DNAH14: variants seen among roughly 807,000 people sequenced by gnomAD.
The protein encoded by DNAH14 is axonemal beta dynein heavy chain 14.
A neutral mutation model predicts 520.9 loss-of-function variants in DNAH14; 478 were observed. The observed-to-expected ratio is 0.92, with a 90% CI of 0.85 to 0.99. The LOEUF is 0.99. Ranked by LOEUF, DNAH14 falls within the 50% of genes least tolerant of loss-of-function variation. The probability of loss-of-function intolerance (pLI) is 0.00; values close to 1 mark genes in which losing one functional copy is unlikely to be tolerated. For synonymous variants in DNAH14, 1,581 were observed against 1,757.2 expected, an observed-to-expected ratio of 0.90 and a Z score of 2.51; for missense variants, 4,831 against 5,234.5, an observed-to-expected ratio of 0.92 and a Z score of 2.38.
At chr1:225,097,338 A>G (rs1390000906) in intron 22 of DNAH14, 99 bp downstream of exon 22, 3 of 1,181,810 alleles carry the variant, frequency 2.5e-6, no homozygotes, top group Admixed American at 2.7e-5. Flanking sequence ...TGAACAAACT[A>G]TCTTATCCTA....
intron 46 of DNAH14, among the ~76,000 whole-genome samples, chr1:225,260,156 G>A (rs1206268815): frequency 2.6e-5 from 4 of 151,966 alleles, no homozygotes; most frequent in African/African-American, 7.3e-5. Flanking sequence ...TTTGAGACCA[G>A]CCTGACCAAC....
chr1:225,385,892 A>G (rs2095836079), intron 81 of DNAH14, among the ~76,000 whole-genome samples: 1 of 152,212 alleles, frequency 6.6e-6, no homozygotes, highest in Admixed American at 6.5e-5. Flanking sequence ...TAAAGTTCAT[A>G]TGGAACCAAA....
chr1:225,397,832 G>A (rs111930447), intron 84 of DNAH14: 4,602 of 152,202 alleles, frequency 0.03, 102 homozygotes, highest in Middle Eastern at 0.051. Context: ...GATCACTTGA[G>A]GTCAGGAGTT....
At chr1:224,984,945 A>G (rs1355428932) in intron 8 of DNAH14, among the ~76,000 whole-genome samples, 1 of 152,154 alleles carries the variant, frequency 6.6e-6, no homozygotes, top group Non-Finnish European at 1.5e-5. Flanking sequence ...GAATGCCCAC[A>G]ATCAAAAAAT....
In DNAH14 at chr1:225,216,093, G is replaced by A. The variant is rs139270814; in HGVS notation, c.6439+8873G>A. On this transcript the variant is annotated intron_variant, in intron 41 of 85. Coordinates refer to ENST00000682510, the MANE Select transcript of DNAH14 (RefSeq NM_001367479.1). Reference sequence around the variant, plus strand: ...GGAGCTCTTGTAAGGCAGGCCTGACGGTGACAAAATGTCTCAGCATTTGCT... The same window carrying A: ...GGAGCTCTTGTAAGGCAGGCCTGACAGTGACAAAATGTCTCAGCATTTGCT... 2.6e-5 allele frequency among the ~76,000 whole-genome samples: 4 copies of A among 152,256 alleles called. 1 individual carries two copies. Among genetic ancestry groups the A allele is most frequent in the East Asian group, 1.9e-4 (1 of 5,174 alleles).
intron 4 of DNAH14, chr1:224,961,377 T>C (rs2060834672): frequency 6.6e-6 from 1 of 152,192 alleles, no homozygotes; most frequent in Admixed American, 6.6e-5. Context: ...TTATGCATTG[T>C]ATTAGTCCTT....
At chr1:225,277,090 G>A (rs1391708562) in intron 53 of DNAH14, among the ~76,000 whole-genome samples, 3 of 102,528 alleles carry the variant, frequency 2.9e-5, no homozygotes, top group Non-Finnish European at 6.1e-5. Context: ...GAAATGGCAA[G>A]GGGGGAGGGG....
At chr1:224,936,303 T>C (rs1442737202) in intron 1 of DNAH14, among the ~76,000 whole-genome samples, 2 of 151,488 alleles carry the variant, frequency 1.3e-5, no homozygotes, top group East Asian at 3.9e-4. Flanking sequence ...AATTGATAAC[T>C]GATAAACCAC....
chr1:225,107,154 T>C (rs2076128920), intron 23 of DNAH14, among the ~76,000 whole-genome samples: 1 of 152,196 alleles, frequency 6.6e-6, no homozygotes, highest in Non-Finnish European at 1.5e-5. Flanking sequence ...CCAGACCCTG[T>C]TTGCCTGGGT....
At chr1:225,181,757 G>A (rs1487328522) in intron 36 of DNAH14, among the ~76,000 whole-genome samples, 3 of 152,082 alleles carry the variant, frequency 2.0e-5, no homozygotes, top group East Asian at 1.9e-4. Flanking sequence ...CAGATGCATG[G>A]TTTGCAAATA....
intron 1 of DNAH14, among the ~76,000 whole-genome samples, chr1:224,949,770 C>T (rs912214996): frequency 6.6e-6 from 1 of 152,140 alleles, no homozygotes; most frequent in Non-Finnish European, 1.5e-5. Flanking sequence ...AGACTTAATA[C>T]ATTATATTTC....
chr1:225,214,364 A>G (rs2088950448), intron 41 of DNAH14, among the ~76,000 whole-genome samples: 1 of 152,152 alleles, frequency 6.6e-6, no homozygotes, highest in Admixed American at 6.5e-5. Context: ...TTGGTCTAAA[A>G]TTCTCTTTTT....
chr1:225,252,468 C>G, intron 44 of DNAH14, 51 bp downstream of exon 44: 1 of 1,004,316 alleles, frequency 1.0e-6, no homozygotes, highest in Non-Finnish European at 1.5e-6. Context: ...ATTGGGTATA[C>G]TCTATTCATA....
intron 55 of DNAH14, among the ~76,000 whole-genome samples, chr1:225,298,600 A>G (rs1234405601): frequency 6.6e-6 from 1 of 152,134 alleles, no homozygotes; most frequent in Non-Finnish European, 1.5e-5. Context: ...ATGAAGATGA[A>G]GTCCCAGTGC....
At chr1:225,049,045 C>CTTTTTTTTTTTTTTTT (rs1196968494) in intron 15 of DNAH14, among the ~76,000 whole-genome samples, 3 of 87,118 alleles carry the variant, frequency 3.4e-5, no homozygotes, top group Admixed American at 1.5e-4. Flanking sequence ...GATCTCTTGC[C>CTTTTTTTTTTTTTTTT]TATTTTTTTT....
Position 225,153,745 on chromosome 1 carries a change from G to T in DNAH14, c.5197-5G>T. The T allele has an allele frequency of 6.5e-7, 1 of 1,532,216 alleles. No individual in the cohort carries two copies. Among genetic ancestry groups the T allele is most frequent in the Non-Finnish European group, 8.8e-7 (1 of 1,131,832 alleles). 94.9% of individuals were successfully genotyped at this position (1,532,216 alleles called of 1,614,324 possible). A position where few individuals can be genotyped will look rare whatever the true frequency, so the allele number is the denominator to read the frequency against. On this transcript the variant is annotated splice_polypyrimidine_tract_variant and splice_region_variant and intron_variant, in intron 33 of 85. Coordinates refer to ENST00000682510, the MANE Select transcript of DNAH14 (RefSeq NM_001367479.1). ...TAATAATTCAAATATTTTAATGTTTGATAGGATCATTATAATTTTGGCTTG... is the reference window on the plus strand; with the variant it reads ...TAATAATTCAAATATTTTAATGTTTTATAGGATCATTATAATTTTGGCTTG...
intron 30 of DNAH14, 39 bp downstream of exon 30, chr1:225,145,418 C>T (rs1266955151): frequency 2.8e-6 from 4 of 1,405,084 alleles, no homozygotes; most frequent in East Asian, 2.6e-5. Flanking sequence ...AAATATTGTA[C>T]ACATAAAACA....
At chr1:225,346,728 A>G in intron 71 of DNAH14, 74 bp downstream of exon 71, 1 of 1,136,666 alleles carries the variant, frequency 8.8e-7, no homozygotes. Context: ...AGGTGCTCCA[A>G]GTCAATGCCT....
intron 28 of DNAH14, among the ~76,000 whole-genome samples, chr1:225,142,595 G>C (rs1300452443): frequency 6.6e-6 from 1 of 152,144 alleles, no homozygotes; most frequent in Non-Finnish European, 1.5e-5. Flanking sequence ...AAGTGGTGCA[G>C]TACACAATAG....
Sources: gnomAD v4.1 joint callset for allele counts (sites outside exome capture counted in the v4.1 genomes callset) on GRCh38, gnomAD v4.1.1 for gene constraint, MANE v1.5 for transcripts, NCBI Gene and HGNC (gene_info 2026-07-23, HGNC 2026-07-21) for gene names.